The following MAP4K4 variants were observed in gnomAD, a reference collection of about 807,000 sequenced individuals.
MAP4K4 encodes HPK/GCK-like kinase HGK.
In MAP4K4, 38 loss-of-function variants were observed where a neutral mutation model predicts 189.6. That is an observed-to-expected ratio of 0.20 (90% CI 0.15 to 0.26). The LOEUF is 0.26. MAP4K4 is among the 10% of genes least tolerant of loss of function. The pLI, the probability that MAP4K4 is intolerant of heterozygous loss-of-function variation, is 1.00. For synonymous variants in MAP4K4, 610 were observed against 624.3 expected (o/e 0.98, Z 0.34); for missense variants, 1,054 against 1,726.9 (o/e 0.61, Z 6.91).
At chr2:101,793,266 CTGTTTTCATACAGTGA>C (rs2093232777) in intron 3 of MAP4K4, among the ~76,000 whole-genome samples, 1 of 152,222 alleles carries the variant, frequency 6.6e-6, no homozygotes, top group Non-Finnish European at 1.5e-5. Flanking sequence ...TTCTTGTGTG[CTGTTTTCATACAGTGA>C]CCTTTGCTAT....
chr2:101,887,780 C>G, exon 31 of MAP4K4: 1 of 1,605,936 alleles, frequency 6.2e-7, no homozygotes, highest in Non-Finnish European at 8.5e-7. Context: ...TTCTCTAGAT[C>G]CAGTGTAGCA....
chr2:101,875,685 A>G (rs2098181315), intron 26 of MAP4K4, among the ~76,000 whole-genome samples: 1 of 152,226 alleles, frequency 6.6e-6, no homozygotes, highest in Non-Finnish European at 1.5e-5. Context: ...ACACACAGAT[A>G]TGTGCCCAAT....
chr2:101,698,606 GTGATAAACATGC>G, intron 2 of MAP4K4, 68 bp downstream of exon 2: 1 of 1,474,534 alleles, frequency 6.8e-7, no homozygotes, highest in Non-Finnish European at 9.5e-7. Context: ...CGAGGAGAGG[GTGATAAACATGC>G]TGCTGACTGG....
Position 101,836,004 on chromosome 2 carries a change from T to C in MAP4K4, c.773+26T>C, listed in dbSNP as rs1298226381. The C allele has an allele frequency of 3.9e-6, 6 of 1,541,376 alleles. No homozygotes were observed. In the African/African-American group the frequency reaches 8.2e-5, roughly 21 times the overall value. ...GTAAGCTATATATGGTTTTTTGTTG[T>C]TCTTTTCCCTTTTTTTTAAATTGCT... On this transcript the variant is annotated intron_variant, in intron 9 of 32. Transcript: ENST00000324219.
intron 3 of MAP4K4, among the ~76,000 whole-genome samples, chr2:101,795,978 A>G (rs555653475): frequency 3.3e-5 from 5 of 152,316 alleles, no homozygotes; most frequent in African/African-American, 1.2e-4. Flanking sequence ...CTTTGGATAA[A>G]TCAAGGACAA....
At chr2:101,888,304 G>C (rs948539859) in intron 31 of MAP4K4, among the ~76,000 whole-genome samples, 1 of 152,192 alleles carries the variant, frequency 6.6e-6, no homozygotes, top group Non-Finnish European at 1.5e-5. Context: ...AGAAAGGGAA[G>C]TTATTTGCAC....
intron 2 of MAP4K4, among the ~76,000 whole-genome samples, chr2:101,759,300 T>G (rs1391623921): frequency 2.0e-5 from 3 of 152,038 alleles, no homozygotes; most frequent in Non-Finnish European, 4.4e-5. Context: ...TCTTATCTGT[T>G]TTCTTTTAAG....
At chr2:101,826,812 T>C (rs2096380778) in intron 5 of MAP4K4, among the ~76,000 whole-genome samples, 1 of 152,162 alleles carries the variant, frequency 6.6e-6, no homozygotes, top group South Asian at 2.1e-4. Flanking sequence ...AATGAGTTAG[T>C]GTATATTAAT....
chr2:101,801,475 GC>G (rs1236053082), intron 3 of MAP4K4, among the ~76,000 whole-genome samples: 1 of 152,180 alleles, frequency 6.6e-6, no homozygotes, highest in Non-Finnish European at 1.5e-5. Context: ...AAAGAAGCTT[GC>G]TAGAGACTCA....
At chr2:101,776,467 A>G (rs1280599915) in intron 2 of MAP4K4, among the ~76,000 whole-genome samples, 9 of 152,010 alleles carry the variant, frequency 5.9e-5, no homozygotes. Context: ...GCTCAGCTTT[A>G]ACAAATCTGT....
chr2:101,823,709 T>A (rs1181203004), intron 3 of MAP4K4, among the ~76,000 whole-genome samples: 1 of 152,192 alleles, frequency 6.6e-6, no homozygotes, highest in Non-Finnish European at 1.5e-5. Context: ...TCTCCGTGTC[T>A]GCCTTTACCT....
At chr2:101,713,431 A>G (rs1353993599) in intron 2 of MAP4K4, among the ~76,000 whole-genome samples, 1 of 151,366 alleles carries the variant, frequency 6.6e-6, no homozygotes, top group Non-Finnish European at 1.5e-5. Flanking sequence ...CATCTCTACT[A>G]AAAGTACAAA....
At chr2:101,802,930 C>T (rs1356028108) in intron 3 of MAP4K4, among the ~76,000 whole-genome samples, 1 of 152,094 alleles carries the variant, frequency 6.6e-6, no homozygotes, top group African/African-American at 2.4e-5. Context: ...GGATTACAGG[C>T]GTCTGCCACC....
intron 12 of MAP4K4, among the ~76,000 whole-genome samples, chr2:101,852,362 A>C (rs2298941): frequency 0.25 from 38,059 of 151,954 alleles, 5,595 homozygotes; most frequent in Non-Finnish European, 0.31. Context: ...TGCTAGGTAT[A>C]AAGGTTAGAT....
chr2:101,745,221 A>G (rs1004843722), intron 2 of MAP4K4, among the ~76,000 whole-genome samples: 10 of 151,868 alleles, frequency 6.6e-5, no homozygotes, highest in South Asian at 2.1e-4. Context: ...GAGCATATGT[A>G]GCCATAAAGG....
chr2:101,714,353 G>T (rs899819354), intron 2 of MAP4K4, among the ~76,000 whole-genome samples: 1 of 152,170 alleles, frequency 6.6e-6, no homozygotes, highest in African/African-American at 2.4e-5. Context: ...GAAGAAACTT[G>T]TTGAGAAATT....
At chr2:101,699,696 T>A (rs1351119563) in intron 2 of MAP4K4, among the ~76,000 whole-genome samples, 2 of 143,282 alleles carry the variant, frequency 1.4e-5, no homozygotes, top group East Asian at 3.8e-4. Flanking sequence ...AGAGTTTATC[T>A]ATCACTTGAA....
chr2:101,704,521 ATGTGTGTG>A (rs36106185), intron 2 of MAP4K4, among the ~76,000 whole-genome samples: 3 of 57,400 alleles, frequency 5.2e-5, no homozygotes, highest in Non-Finnish European at 8.3e-5. Flanking sequence ...CCAATATTTT[ATGTGTGTG>A]TGTGTGTGTG....
At chr2:101,775,435 G>A (rs1292786134) in intron 2 of MAP4K4, among the ~76,000 whole-genome samples, 1 of 151,912 alleles carries the variant, frequency 6.6e-6, no homozygotes, top group Non-Finnish European at 1.5e-5. Flanking sequence ...TTAAAGGAGA[G>A]ATCATCTGAG....
Sources: gnomAD v4.1 joint callset for allele counts (sites outside exome capture counted in the v4.1 genomes callset) on GRCh38, gnomAD v4.1.1 for gene constraint, MANE v1.5 for transcripts, NCBI Gene and HGNC (gene_info 2026-07-23, HGNC 2026-07-21) for gene names.